Variants in SDK1 observed in about 807,000 individuals in gnomAD.
The protein encoded by SDK1 is sidekick cell adhesion molecule 1.
In SDK1, 157 loss-of-function variants were observed where a neutral mutation model predicts 245.5. That is an observed-to-expected ratio of 0.64 (90% confidence interval 0.56 to 0.73). The LOEUF (loss-of-function observed/expected upper bound fraction) is 0.73. Ranked by LOEUF, SDK1 falls within the 30% of genes least tolerant of loss-of-function variation. The pLI is 0.00. For synonymous variants in SDK1, 1,647 were observed against 1,278.5 expected (o/e 1.29, Z -6.15); for missense variants, 3,583 against 3,002.3 (o/e 1.19, Z -4.52).
chr7:3,443,753 T>C (rs1290783494), intron 1 of SDK1, among the ~76,000 whole-genome samples: 1 of 152,194 alleles, frequency 6.6e-6, no homozygotes. Flanking sequence ...TGTTTTTATT[T>C]GGTGGTCAGC....
chr7:4,258,847 C>T (rs1370184140), intron 44 of SDK1, among the ~76,000 whole-genome samples: 2 of 152,170 alleles, frequency 1.3e-5, no homozygotes, highest in Admixed American at 6.5e-5. Context: ...TGAACCCTAA[C>T]CCCAGTTTGT....
chr7:4,157,624 G>A (rs928139632), intron 30 of SDK1, among the ~76,000 whole-genome samples: 13 of 152,244 alleles, frequency 8.5e-5, no homozygotes, highest in African/African-American at 3.1e-4. Context: ...AATCTCCGTC[G>A]ACGGGCTGGG....
intron 20 of SDK1, among the ~76,000 whole-genome samples, chr7:4,068,753 G>GCT (rs1219196403): frequency 7.2e-6 from 1 of 139,228 alleles, no homozygotes; most frequent in African/African-American, 3.3e-5. Flanking sequence ...ACAGGGTCTT[G>GCT]CTCTCTCGCC....
At chr7:3,464,444 C>T (rs560944700) in intron 1 of SDK1, among the ~76,000 whole-genome samples, 4 of 152,216 alleles carry the variant, frequency 2.6e-5, no homozygotes, top group East Asian at 1.9e-4. Flanking sequence ...TCATTTGAGC[C>T]GAAGGGCTCA....
intron 9 of SDK1, among the ~76,000 whole-genome samples, chr7:3,964,468 T>G (rs939063806): frequency 6.6e-6 from 1 of 152,236 alleles, no homozygotes; most frequent in Non-Finnish European, 1.5e-5. Flanking sequence ...TTTTTCCTAT[T>G]TTTTACATTC....
intron 4 of SDK1, among the ~76,000 whole-genome samples, chr7:3,682,729 T>C (rs1784145493): frequency 6.6e-6 from 1 of 152,172 alleles, no homozygotes; most frequent in Admixed American, 6.5e-5. Flanking sequence ...ACAGTTTTTT[T>C]TTTTTTTAAA....
chr7:3,650,254 G>A (rs1235171725), intron 4 of SDK1, among the ~76,000 whole-genome samples: 1 of 152,088 alleles, frequency 6.6e-6, no homozygotes, highest in Non-Finnish European at 1.5e-5. Flanking sequence ...TATAGTTAGT[G>A]GCACTAAGTC....
At chr7:3,452,584 C>T (rs530969580) in intron 1 of SDK1, among the ~76,000 whole-genome samples, 5 of 152,284 alleles carry the variant, frequency 3.3e-5, no homozygotes, top group African/African-American at 1.2e-4. Flanking sequence ...TGTACACTTT[C>T]ATACTAATAT....
chr7:3,902,713 G>A (rs993340182), intron 5 of SDK1, among the ~76,000 whole-genome samples: 1 of 152,174 alleles, frequency 6.6e-6, no homozygotes, highest in South Asian at 2.1e-4. Context: ...AAGCCTCATC[G>A]CCTTCCCTGT....
intron 1 of SDK1, among the ~76,000 whole-genome samples, chr7:3,556,202 T>G (rs918856628): frequency 1.1e-4 from 16 of 145,748 alleles, no homozygotes; most frequent in East Asian, 4.2e-4. Context: ...AAAGAAAATG[T>G]GATACATATA....
chr7:3,621,477 T>C (rs999025098), intron 2 of SDK1, among the ~76,000 whole-genome samples: 2 of 152,168 alleles, frequency 1.3e-5, no homozygotes, highest in African/African-American at 4.8e-5. Flanking sequence ...AGATTGTTCT[T>C]CCTAATAAGA....
intron 1 of SDK1, among the ~76,000 whole-genome samples, chr7:3,380,193 T>A (rs1292038857): frequency 6.6e-6 from 1 of 152,220 alleles, no homozygotes; most frequent in East Asian, 1.9e-4. Context: ...CTTATGTAAA[T>A]GCAGAGTTTG....
intron 4 of SDK1, among the ~76,000 whole-genome samples, chr7:3,675,297 TG>T (rs1252518677): frequency 1.3e-5 from 2 of 152,248 alleles, no homozygotes; most frequent in African/African-American, 4.8e-5. Flanking sequence ...CTGTTTTCAC[TG>T]CTACCACTTT....
intron 1 of SDK1, among the ~76,000 whole-genome samples, chr7:3,459,489 T>G (rs1780771458): frequency 6.6e-6 from 1 of 152,192 alleles, no homozygotes; most frequent in South Asian, 2.1e-4. Flanking sequence ...TGCTTCTCCT[T>G]CCTTAATGTG....
At chr7:3,444,334 T>G (rs1228328224) in intron 1 of SDK1, among the ~76,000 whole-genome samples, 1 of 152,200 alleles carries the variant, frequency 6.6e-6, no homozygotes, top group African/African-American at 2.4e-5. Flanking sequence ...ACTTCCATGT[T>G]CTTAGTGTCA....
intron 8 of SDK1, among the ~76,000 whole-genome samples, chr7:3,961,075 A>C (rs979076930): frequency 7.2e-5 from 11 of 152,362 alleles, no homozygotes; most frequent in African/African-American, 2.6e-4. Context: ...CGACTTCTGC[A>C]GGGTAAACTG....
chr7:3,787,920 C>T (rs1360953805), intron 4 of SDK1, among the ~76,000 whole-genome samples: 2 of 152,152 alleles, frequency 1.3e-5, no homozygotes, highest in African/African-American at 2.4e-5. Context: ...CATGCGGTTG[C>T]ACAGAAGCCA....
At position 3,440,235 on chromosome 7, in the gene SDK1, T is replaced by C. The variant is rs78611018; in HGVS notation, c.298+138351T>C. Among the ~76,000 whole-genome samples, 513 of 152,314 alleles carry C rather than the reference T, an allele frequency of 3.4e-3. 5 individuals carry two copies. Among genetic ancestry groups the C allele is most frequent in the African/African-American group, 0.011 (464 of 41,562 alleles). ...GAGAACAAAGGAAGGATGGAGCTTT[T>C]ATAGAGCATCTTTCTGCCCAGGTTT... On this transcript the variant is annotated intron_variant, in intron 1 of 44. Transcript: ENST00000404826.
chr7:3,971,409 G>T, intron 11 of SDK1, 57 bp from the exon 12 acceptor site: 1 of 1,228,792 alleles, frequency 8.1e-7, no homozygotes, highest in South Asian at 1.3e-5. Flanking sequence ...TCCCCCCTGA[G>T]GGCAGAAACT....
Sources: allele counts gnomAD v4.1 joint callset (sites outside exome capture counted in the v4.1 genomes callset), GRCh38; gene constraint gnomAD v4.1.1; transcripts MANE v1.5; gene names NCBI Gene and HGNC (gene_info 2026-07-23, HGNC 2026-07-21).